The following TMEM87B variants were observed in gnomAD, a reference collection of about 807,000 sequenced individuals.
TMEM87B encodes transmembrane protein 87B.
In TMEM87B, 83 loss-of-function variants were observed where a neutral mutation model predicts 80.3. The ratio of observed to expected loss-of-function variants is 1.03; its 90% CI spans 0.87 to 1.24. The LOEUF is 1.24. TMEM87B is among the 50% of genes most tolerant of loss of function. The pLI is 0.00. For missense variants in TMEM87B, 625 were observed against 674.4 expected, an observed-to-expected ratio of 0.93 and a Z score of 0.81; for synonymous variants, 219 against 230.5, an observed-to-expected ratio of 0.95 and a Z score of 0.45.
At chr2:112,055,815 G>A in intron 1 of TMEM87B, 59 bp downstream of exon 1, 1 of 1,436,438 alleles carries the variant, frequency 7.0e-7, no homozygotes, top group Non-Finnish European at 9.1e-7. Context: ...GCCGTCGTGC[G>A]GCTTCGCTTG....
chr2:112,072,660 T>C lies in TMEM87B; in HGVS notation c.451-2252T>C, dbSNP rs982538828. Reference sequence around the variant, plus strand: ...TTAAGTTTATTGGATCCTCTGTCTTTTCTTCTTTATTAACCTACCTAGCAG... The same window carrying C: ...TTAAGTTTATTGGATCCTCTGTCTTCTCTTCTTTATTAACCTACCTAGCAG... On this transcript the variant is annotated intron_variant, in intron 4 of 18. Transcript: ENST00000283206. Among the ~76,000 whole-genome samples the C allele has an allele frequency of 4.1e-4, 63 of 152,238 alleles. 1 individual carries two copies. The highest frequency in any genetic ancestry group is 1.4e-3 in the African/African-American group (60 of 41,552).
chr2:112,103,681 G>A (rs928833209), intron 15 of TMEM87B, among the ~76,000 whole-genome samples: 2 of 152,170 alleles, frequency 1.3e-5, no homozygotes, highest in Non-Finnish European at 1.5e-5. Flanking sequence ...GACTGCTAAT[G>A]GGTTTGGGGT....
intron 17 of TMEM87B, among the ~76,000 whole-genome samples, chr2:112,112,108 CTG>C (rs1374793202): frequency 6.6e-6 from 1 of 152,190 alleles, no homozygotes; most frequent in African/African-American, 2.4e-5. Context: ...ATGGACCGCA[CTG>C]TAGGTAGCAT....
chr2:112,089,111 G>A (rs948497324), intron 9 of TMEM87B, among the ~76,000 whole-genome samples: 10 of 152,200 alleles, frequency 6.6e-5, no homozygotes, highest in African/African-American at 2.4e-4. Context: ...ATGAAATTCT[G>A]TTAGCACTCC....
chr2:112,096,298 G>A (rs926875286), intron 11 of TMEM87B, among the ~76,000 whole-genome samples: 1 of 152,008 alleles, frequency 6.6e-6, no homozygotes. Flanking sequence ...CAGCCCTCCC[G>A]AGAATCTGCA....
chr2:112,091,223 A>G (rs1679289407), intron 10 of TMEM87B, among the ~76,000 whole-genome samples: 1 of 151,868 alleles, frequency 6.6e-6, no homozygotes, highest in Non-Finnish European at 1.5e-5. Flanking sequence ...CTGGGCAACA[A>G]GAGCAAAACT....
chr2:112,089,575 T>C, intron 9 of TMEM87B, 50 bp from the exon 10 acceptor site: 1 of 1,551,550 alleles, frequency 6.4e-7, no homozygotes, highest in South Asian at 1.1e-5. Context: ...AGGTGCATTT[T>C]ACTCACCCAT....
chr2:112,064,040 G>A lies in TMEM87B; in HGVS notation c.227-122G>A. 3 of 733,920 alleles carry A rather than the reference G, an allele frequency of 4.1e-6. No homozygotes were observed. The South Asian group carries it at 6.5e-5, about 16-fold the overall frequency. The allele number at this position is 733,920 out of a possible 1,614,324, so 45.5% of individuals were successfully genotyped here. A position where few individuals can be genotyped will look rare whatever the true frequency, so the allele number is the denominator to read the frequency against. The stretch of plus-strand genomic sequence containing the variant: ...TTACAGTGACTTTTTGGAGAAATTA[G>A]CTAATGTTTTACTCATTGTTACATT... On this transcript the variant is annotated intron_variant, in intron 2 of 18. Transcript: ENST00000283206.
At position 112,081,078 on chromosome 2, in the gene TMEM87B, C is replaced by T. The variant is rs770932485; in HGVS notation, c.614C>T (p.Pro205Leu). 17 of 1,612,486 alleles carry T rather than the reference C, an allele frequency of 1.1e-5. No homozygotes were observed. Among genetic ancestry groups the T allele is most frequent in the Non-Finnish European group, 1.7e-6 (2 of 1,179,480 alleles). The change falls in exon 7 of 19, where the codon CCT becomes CTT. Residue 205 changes from proline (P) to leucine (L), a missense_variant. Coordinates refer to ENST00000283206, the MANE Select transcript of TMEM87B (RefSeq NM_032824.3). The part of the protein sequence containing the change: ...NLNVSLSMIG[P>L]HGYISASDWP... ...CTAGTTTCTCTTTCTATGATTGGGC[C>T]TCATGGATATATCTCTGCATCAGAT...
At chr2:112,094,307 G>A (rs1309251392) in intron 11 of TMEM87B, among the ~76,000 whole-genome samples, 3 of 151,998 alleles carry the variant, frequency 2.0e-5, no homozygotes, top group South Asian at 2.1e-4. Flanking sequence ...GACTACAGGC[G>A]TGCGCCACCA....
intron 2 of TMEM87B, 29 bp from the exon 3 acceptor site, chr2:112,064,133 G>A (rs369179000): frequency 5.0e-6 from 8 of 1,591,782 alleles, no homozygotes; most frequent in Middle Eastern, 1.7e-4. Context: ...TATTATTCAT[G>A]TAAAACAAGA....
At chr2:112,098,248 T>C (rs1679529697) in intron 13 of TMEM87B, among the ~76,000 whole-genome samples, 1 of 152,154 alleles carries the variant, frequency 6.6e-6, no homozygotes. Context: ...CCTCTGAAAA[T>C]CCAGAGCTTT....
intron 4 of TMEM87B, among the ~76,000 whole-genome samples, chr2:112,070,243 G>A (rs961557445): frequency 6.6e-5 from 10 of 151,984 alleles, no homozygotes; most frequent in East Asian, 5.8e-4. Context: ...TCATGAAATC[G>A]TCACCTGTCC....
intron 10 of TMEM87B, among the ~76,000 whole-genome samples, chr2:112,091,446 T>C (rs891416829): frequency 6.6e-6 from 1 of 152,114 alleles, no homozygotes; most frequent in Non-Finnish European, 1.5e-5. Flanking sequence ...ATGGCTGGTG[T>C]TAGTGAGGTT....
Position 112,113,410 on chromosome 2 carries a change from G to A in TMEM87B, c.1608+481G>A, listed in dbSNP as rs148812260. 3.5e-3 allele frequency among the ~76,000 whole-genome samples: 538 copies of A among 152,314 alleles called. 2 individuals are homozygous for A. The highest frequency in any genetic ancestry group is 0.013 in the African/African-American group (521 of 41,570). ...TGTAAGAATTAAAGACTGGATGCAC[G>A]GAACATTAACTTTCAAAAAGGACGA... On this transcript the variant is annotated intron_variant, in intron 18 of 18. Coordinates refer to ENST00000283206, the MANE Select transcript of TMEM87B (RefSeq NM_032824.3).
intron 3 of TMEM87B, among the ~76,000 whole-genome samples, chr2:112,065,801 A>G (rs1678416202): frequency 6.6e-6 from 1 of 152,046 alleles, no homozygotes; most frequent in African/African-American, 2.4e-5. Flanking sequence ...TTAGTTCCTG[A>G]TAATCTGGAT....
intron 1 of TMEM87B, 73 bp from the exon 2 acceptor site, chr2:112,059,904 A>G (rs1201634752): frequency 2.3e-5 from 35 of 1,540,300 alleles, no homozygotes; most frequent in Non-Finnish European, 3.0e-5. Flanking sequence ...TTAGAACTCT[A>G]TATGTTGTGG....
At chr2:112,055,796 G>A (rs1678032439) in intron 1 of TMEM87B, 40 bp downstream of exon 1, 1 of 1,447,240 alleles carries the variant, frequency 6.9e-7, no homozygotes, top group East Asian at 2.7e-5. Flanking sequence ...CACGTCTCGG[G>A]CCGTCAGGGC....
At chr2:112,057,984 C>T (rs189801206) in intron 1 of TMEM87B, among the ~76,000 whole-genome samples, 246 of 152,220 alleles carry the variant, frequency 1.6e-3, no homozygotes, top group African/African-American at 5.6e-3. Context: ...TGTGCCACCA[C>T]GCCTGGCTAA....
Sources: gnomAD v4.1 joint callset for allele counts (sites outside exome capture counted in the v4.1 genomes callset) on GRCh38, gnomAD v4.1.1 for gene constraint, MANE v1.5 for transcripts, NCBI Gene and HGNC (gene_info 2026-07-23, HGNC 2026-07-21) for gene names.